The following TLCD4 variants were observed in gnomAD, a reference collection of about 807,000 sequenced individuals.
TLCD4 encodes the protein TLC domain-containing protein 4.
TLCD4 carries 7 observed loss-of-function variants against 24.2 expected under a neutral mutation model. The ratio of observed to expected loss-of-function variants is 0.29; its 90% CI spans 0.16 to 0.54. TLCD4 has a LOEUF of 0.54. Ranked by LOEUF, TLCD4 falls within the 20% of genes least tolerant of loss-of-function variation. The pLI, the probability that TLCD4 is intolerant of heterozygous loss-of-function variation, is 0.95. For synonymous variants in TLCD4, 103 were observed against 106.4 expected (o/e 0.97, Z 0.20); for missense variants, 259 against 313.9 (o/e 0.82, Z 1.32).
At chr1:95,099,916 G>A in the TLCD4 span, among the ~76,000 whole-genome samples, 1 of 151,532 alleles carries the variant, frequency 6.6e-6, no homozygotes, top group Non-Finnish European at 1.5e-5. Flanking sequence ...CAAATCACTT[G>A]AGTCCAGGAG....
intron 5 of TLCD4, among the ~76,000 whole-genome samples, chr1:95,160,714 G>T (rs915790091): frequency 6.6e-6 from 1 of 152,158 alleles, no homozygotes; most frequent in African/African-American, 2.4e-5. Context: ...TCGCATGAAG[G>T]CTGTTGAATT....
intron 5 of TLCD4, among the ~76,000 whole-genome samples, chr1:95,155,547 G>A (rs979804971): frequency 2.6e-5 from 4 of 152,182 alleles, no homozygotes; most frequent in African/African-American, 9.6e-5. Flanking sequence ...GGAGAGAAAA[G>A]GATAAAGTAA....
intron 1 of TLCD4, among the ~76,000 whole-genome samples, chr1:95,134,396 G>T (rs1193355824): frequency 2.6e-5 from 4 of 152,188 alleles, no homozygotes; most frequent in Non-Finnish European, 4.4e-5. Context: ...GGGGAATGGA[G>T]AAATAAGGCC....
intron 5 of TLCD4, among the ~76,000 whole-genome samples, chr1:95,170,853 T>A (rs1221062360): frequency 6.6e-6 from 1 of 152,166 alleles, no homozygotes; most frequent in African/African-American, 2.4e-5. Flanking sequence ...TATTTTAACT[T>A]CTTCTTAAAT....
intron 6 of TLCD4, among the ~76,000 whole-genome samples, chr1:95,183,688 A>C (rs961037643): frequency 2.6e-5 from 4 of 151,982 alleles, no homozygotes; most frequent in Non-Finnish European, 4.4e-5. Flanking sequence ...AAAAGTACAA[A>C]AAAGAATTAG....
chr1:95,156,406 A>G (rs922956804), intron 5 of TLCD4, among the ~76,000 whole-genome samples: 4 of 149,884 alleles, frequency 2.7e-5, no homozygotes, highest in African/African-American at 9.7e-5. Flanking sequence ...GTACATATGG[A>G]TGAGTAAGAT....
At chr1:95,154,614 G>A (rs1321505833) in intron 5 of TLCD4, among the ~76,000 whole-genome samples, 1 of 151,994 alleles carries the variant, frequency 6.6e-6, no homozygotes, top group Non-Finnish European at 1.5e-5. Context: ...GTAACATTTA[G>A]TAGAGCTTAA....
At chr1:95,132,800 T>C (rs190364512) in intron 1 of TLCD4, among the ~76,000 whole-genome samples, 1 of 152,260 alleles carries the variant, frequency 6.6e-6, no homozygotes, top group Admixed American at 6.5e-5. Flanking sequence ...CTCTGTTATT[T>C]AGTAGCTGGG....
intron 6 of TLCD4, 131 bp downstream of exon 6, chr1:95,174,020 C>G (rs1363134687): frequency 6.9e-6 from 9 of 1,306,124 alleles, no homozygotes; most frequent in Non-Finnish European, 9.3e-6. Context: ...TTATCACCAT[C>G]ATACAAATGA....
intron 5 of TLCD4, among the ~76,000 whole-genome samples, chr1:95,165,414 G>T (rs1677980116): frequency 6.6e-6 from 1 of 150,960 alleles, no homozygotes; most frequent in Non-Finnish European, 1.5e-5. Context: ...TATTTTCAAA[G>T]AATAATTTTG....
chr1:95,146,921 CA>C (rs1243746505), intron 2 of TLCD4, among the ~76,000 whole-genome samples: 1 of 151,980 alleles, frequency 6.6e-6, no homozygotes, highest in Admixed American at 6.6e-5. Context: ...TTAGGTTTTT[CA>C]AAAGGGAGCT....
chr1:95,174,507 C>CAAAA (rs141819142), intron 6 of TLCD4, among the ~76,000 whole-genome samples: 2 of 85,876 alleles, frequency 2.3e-5, no homozygotes, highest in Non-Finnish European at 4.3e-5. Context: ...CCCATCCCTA[C>CAAAA]AAAAAAAAAA....
At chr1:95,102,115 A>G in the TLCD4 span, among the ~76,000 whole-genome samples, 5 of 152,184 alleles carry the variant, frequency 3.3e-5, no homozygotes, top group African/African-American at 9.6e-5. Flanking sequence ...GGAGAGAGAG[A>G]GACAACTTAT....
At chr1:95,135,743 G>C (rs1677024342) in intron 1 of TLCD4, among the ~76,000 whole-genome samples, 1 of 150,250 alleles carries the variant, frequency 6.7e-6, no homozygotes, top group Non-Finnish European at 1.5e-5. Context: ...AGTTCGTTTT[G>C]TTTTGTTTTT....
At chr1:95,172,770 A>C (rs542292758) in intron 5 of TLCD4, among the ~76,000 whole-genome samples, 4 of 152,288 alleles carry the variant, frequency 2.6e-5, no homozygotes, top group African/African-American at 9.6e-5. Flanking sequence ...TCTCATTTGG[A>C]AGGCAGCATG....
chr1:95,137,356 A>G (rs1287756910), intron 1 of TLCD4, among the ~76,000 whole-genome samples: 1 of 152,150 alleles, frequency 6.6e-6, no homozygotes, highest in East Asian at 1.9e-4. Context: ...CCTTAAAGAC[A>G]AACACACAGA....
intron 1 of TLCD4, among the ~76,000 whole-genome samples, chr1:95,123,950 A>G (rs1676641567): frequency 6.6e-6 from 1 of 152,176 alleles, no homozygotes; most frequent in African/African-American, 2.4e-5. Flanking sequence ...TGTTATCAAC[A>G]TTTACATATT....
In TLCD4 at chr1:95,191,634, C is replaced by T. The variant is rs779868562; in HGVS notation, c.558C>T (p.Ile186=). ...NGILMTVVFF[I]VRIASMLPHY... ...TACTCATGACAGTAGTATTCTTCAT[C>T]GTGCGGATTGCCTCAATGCTTCCTC... The change falls in exon 7 of 7, where the codon ATC becomes ATT. Residue 186 remains isoleucine, a synonymous_variant. Transcript: ENST00000370203. 2.3e-5 allele frequency: 37 copies of T among 1,614,072 alleles called. No homozygotes were observed. The highest frequency in any genetic ancestry group is 2.7e-5 in the African/African-American group (2 of 74,914).
Position 95,122,742 on chromosome 1 carries a change from G to A in TLCD4, c.-12+5125G>A, listed in dbSNP as rs559830646. 2.0e-4 allele frequency among the ~76,000 whole-genome samples: 30 copies of A among 152,246 alleles called. No homozygotes were observed. The South Asian group carries it at 5.0e-3, about 25-fold the overall frequency. On this transcript the variant is annotated intron_variant, in intron 1 of 6. Coordinates refer to ENST00000370203, the MANE Select transcript of TLCD4 (RefSeq NM_152487.3). ...TCTAGGAAAAACTGCACATTGATGA[G>A]TTTATGCATTTATTAATTTAACTTT...
Sources: gnomAD v4.1 joint callset for allele counts (sites outside exome capture counted in the v4.1 genomes callset) on GRCh38, gnomAD v4.1.1 for gene constraint, MANE v1.5 for transcripts, NCBI Gene and HGNC (gene_info 2026-07-23, HGNC 2026-07-21) for gene names.